The following DNAH9 variants were observed in gnomAD, a reference collection of about 807,000 sequenced individuals.
DNAH9 encodes the protein DNAH9 variant protein.
In DNAH9, 345 loss-of-function variants were observed where a neutral mutation model predicts 471.6. The observed-to-expected ratio is 0.73, with a 90% CI of 0.67 to 0.80. The LOEUF (loss-of-function observed/expected upper bound fraction) is 0.80, where lower values mean the gene tolerates loss of function less well. Among genes scored for constraint, DNAH9 ranks in the 30% least tolerant of loss-of-function variants. DNAH9 has a pLI of 0.00. For missense variants in DNAH9, 5,407 were observed against 5,609.2 expected, an observed-to-expected ratio of 0.96 and a Z score of 1.15; for synonymous variants, 2,093 against 2,123.6, an observed-to-expected ratio of 0.99 and a Z score of 0.40.
chr17:11,831,318 C>G (rs1970678347), intron 48 of DNAH9, among the ~76,000 whole-genome samples: 1 of 152,050 alleles, frequency 6.6e-6, no homozygotes, highest in South Asian at 2.1e-4. Flanking sequence ...GTGCAGATAT[C>G]ACATGGCAAG....
At chr17:11,920,620 CAAAAAA>C (rs778741343) in intron 61 of DNAH9, among the ~76,000 whole-genome samples, 1 of 61,986 alleles carries the variant, frequency 1.6e-5, no homozygotes, top group Non-Finnish European at 3.3e-5. Flanking sequence ...GACTCCATCT[CAAAAAA>C]AAAAAAAAAG....
chr17:11,904,988 C>T (rs559936589), intron 60 of DNAH9, among the ~76,000 whole-genome samples: 6 of 151,932 alleles, frequency 3.9e-5, no homozygotes, highest in Non-Finnish European at 8.8e-5. Flanking sequence ...AATCCCAACA[C>T]TTTGGGAGGC....
Position 11,950,451 on chromosome 17 carries a change from T to C in DNAH9, c.12843+7966T>C, listed in dbSNP as rs543913810. The stretch of plus-strand genomic sequence containing the variant: ...TATTGCCCAGATTGGAGTGTGGTGG[T>C]GTGATCATGGCTCAAGAGATCTTCC... On this transcript the variant is annotated intron_variant, in intron 67 of 68. Coordinates refer to ENST00000262442, the MANE Select transcript of DNAH9 (RefSeq NM_001372.4). Among the ~76,000 whole-genome samples the C allele has an allele frequency of 2.3e-3, 351 of 152,308 alleles. 5 individuals are homozygous for C. Among genetic ancestry groups the C allele is most frequent in the Non-Finnish European group, 4.2e-3 (283 of 68,020 alleles).
intron 14 of DNAH9, among the ~76,000 whole-genome samples, chr17:11,654,626 AAG>A (rs2073598261): frequency 6.6e-6 from 1 of 151,986 alleles, no homozygotes; most frequent in Non-Finnish European, 1.5e-5. Flanking sequence ...TACTTATCAC[AAG>A]AGTCTCTAAA....
At chr17:11,761,593 C>T (rs1364059178) in intron 35 of DNAH9, among the ~76,000 whole-genome samples, 1 of 152,222 alleles carries the variant, frequency 6.6e-6, no homozygotes, top group African/African-American at 2.4e-5. Context: ...CAGCCCACAC[C>T]TGGATTCCAG....
In DNAH9 at chr17:11,857,061, T is replaced by C. The variant is rs1419177668; in HGVS notation, c.9933+2633T>C. On this transcript the variant is annotated intron_variant, in intron 50 of 68. Coordinates refer to ENST00000262442, the MANE Select transcript of DNAH9 (RefSeq NM_001372.4). ...TTTTTGGGAGGAAAAGATCTCCCGA[T>C]AATTTTTATATTTTTCAGTCTCTTC... Among the ~76,000 whole-genome samples, 4 of 152,250 alleles carry C rather than the reference T, an allele frequency of 2.6e-5. No individual in the cohort carries two copies. The East Asian group carries it at 7.7e-4, about 29-fold the overall frequency.
At chr17:11,826,469 T>TA (rs1970498080) in intron 48 of DNAH9, among the ~76,000 whole-genome samples, 1 of 137,174 alleles carries the variant, frequency 7.3e-6, no homozygotes, top group East Asian at 2.3e-4. Flanking sequence ...TTTTTTTTTT[T>TA]TTTTTTTTTG....
At chr17:11,841,736 G>GT (rs1419171037) in intron 49 of DNAH9, among the ~76,000 whole-genome samples, 1 of 151,792 alleles carries the variant, frequency 6.6e-6, no homozygotes, top group African/African-American at 2.4e-5. Flanking sequence ...TGTGAGGGAA[G>GT]TATGTAGCTT....
chr17:11,636,906 C>G, intron 9 of DNAH9, 122 bp downstream of exon 9: 1 of 907,608 alleles, frequency 1.1e-6, no homozygotes, highest in Non-Finnish European at 1.7e-6. Flanking sequence ...AGAGCAAGCA[C>G]AACCTTCTTG....
At chr17:11,852,763 T>C (rs983853287) in intron 49 of DNAH9, among the ~76,000 whole-genome samples, 2 of 144,772 alleles carry the variant, frequency 1.4e-5, no homozygotes, top group Non-Finnish European at 1.5e-5. Context: ...TAGAAGTGCA[T>C]GGCAACCGGC....
intron 19 of DNAH9, 113 bp from the exon 20 acceptor site, chr17:11,689,453 C>T: frequency 1.1e-6 from 1 of 878,052 alleles, no homozygotes; most frequent in Non-Finnish European, 1.8e-6. Flanking sequence ...AAAGCCACTG[C>T]TCTTTCCTAA....
At chr17:11,657,580 T>G (rs1045312016) in intron 14 of DNAH9, among the ~76,000 whole-genome samples, 7 of 152,116 alleles carry the variant, frequency 4.6e-5, no homozygotes, top group African/African-American at 1.7e-4. Context: ...TTTCTCCTCT[T>G]GTGGTTAGTA....
intron 14 of DNAH9, among the ~76,000 whole-genome samples, chr17:11,662,590 T>G (rs2073788464): frequency 6.6e-6 from 1 of 152,060 alleles, no homozygotes; most frequent in African/African-American, 2.4e-5. Context: ...TTTCTGCTTG[T>G]TTGTATGTCT....
chr17:11,761,080 C>G (rs1314219779), intron 35 of DNAH9, among the ~76,000 whole-genome samples: 1 of 152,224 alleles, frequency 6.6e-6, no homozygotes, highest in Non-Finnish European at 1.5e-5. Flanking sequence ...CCTACTGTTC[C>G]TTTAAAACCA....
rs553484661 is a variant in DNAH9, at chr17:11,668,970, G to A, written c.2732-94G>A. The A allele has an allele frequency of 2.2e-5, 19 of 883,560 alleles. No individual in the cohort carries two copies. In the Admixed American group the frequency reaches 3.7e-4, roughly 17 times the overall value. The allele number at this position is 883,560 out of a possible 1,614,324, so 54.7% of individuals were successfully genotyped here. ...CCTACAGTCTAGCAGCCTATCTAAA[G>A]AAAAGCATTGCTCTGGGTGCTTTTA... On this transcript the variant is annotated intron_variant, in intron 15 of 68. Transcript: ENST00000262442.
chr17:11,944,058 C>T (rs183790924), intron 67 of DNAH9, among the ~76,000 whole-genome samples: 187 of 152,286 alleles, frequency 1.2e-3, no homozygotes, highest in Admixed American at 2.3e-3. Flanking sequence ...ATTTTTCTTT[C>T]GAGAGCCTTT....
chr17:11,806,588 T>G (rs1225994569), intron 43 of DNAH9, among the ~76,000 whole-genome samples: 2 of 152,182 alleles, frequency 1.3e-5, no homozygotes, highest in Non-Finnish European at 2.9e-5. Context: ...CAAAAGACTG[T>G]GTTCAGTATA....
At chr17:11,660,019 T>C (rs888614708) in intron 14 of DNAH9, among the ~76,000 whole-genome samples, 1 of 152,234 alleles carries the variant, frequency 6.6e-6, no homozygotes, top group African/African-American at 2.4e-5. Context: ...CTAGAGATTT[T>C]TTCTTTTTCT....
At chr17:11,636,314 C>A (rs2073165866) in intron 8 of DNAH9, among the ~76,000 whole-genome samples, 1 of 152,120 alleles carries the variant, frequency 6.6e-6, no homozygotes. Context: ...TGTTCCAGGT[C>A]TTAATTATGT....
Sources: allele counts gnomAD v4.1 joint callset (sites outside exome capture counted in the v4.1 genomes callset), GRCh38; gene constraint gnomAD v4.1.1; transcripts MANE v1.5; gene names NCBI Gene and HGNC (gene_info 2026-07-23, HGNC 2026-07-21).